SMURF1: variants seen among roughly 807,000 people sequenced by gnomAD.
The protein encoded by SMURF1 is E3 ubiquitin-protein ligase SMURF1.
A neutral mutation model predicts 98.0 loss-of-function variants in SMURF1; 44 were observed. That is an observed-to-expected ratio of 0.45 (90% CI 0.35 to 0.58). The LOEUF is 0.58. Ranked by LOEUF, SMURF1 falls within the 20% of genes least tolerant of loss-of-function variation. The probability of loss-of-function intolerance (pLI) is 0.00; values close to 1 mark genes in which losing one functional copy is unlikely to be tolerated. For synonymous variants in SMURF1, 396 were observed against 374.9 expected (o/e 1.06, Z -0.65); for missense variants, 687 against 938.4 (o/e 0.73, Z 3.50).
chr7:99,130,269 A>T (rs927543017), intron 1 of SMURF1, among the ~76,000 whole-genome samples: 1 of 152,152 alleles, frequency 6.6e-6, no homozygotes, highest in African/African-American at 2.4e-5. Context: ...CCTGGCCAAC[A>T]TGGTGAAACC....
At chr7:99,043,760 TGTA>T (rs1363582041) in intron 11 of SMURF1, among the ~76,000 whole-genome samples, 1 of 152,200 alleles carries the variant, frequency 6.6e-6, no homozygotes, top group Admixed American at 6.5e-5. Flanking sequence ...CCTGACTGCA[TGTA>T]GTTTGACTCT....
At chr7:99,119,186 G>A (rs1249840625) in intron 1 of SMURF1, among the ~76,000 whole-genome samples, 2 of 151,870 alleles carry the variant, frequency 1.3e-5, no homozygotes, top group Non-Finnish European at 2.9e-5. Flanking sequence ...AAGAATATAT[G>A]TACAAGTATT....
In SMURF1 at chr7:99,099,125, A is replaced by G. The variant is rs536525514; in HGVS notation, c.56-37288T>C. Among the ~76,000 whole-genome samples the G allele has an allele frequency of 1.1e-4, 17 of 152,258 alleles. No individual in the cohort carries two copies. The South Asian group carries it at 3.3e-3, about 30-fold the overall frequency. The stretch of plus-strand genomic sequence containing the variant: ...TTTGGTTCAGGAACAAGAGGAGACT[A>G]GAGCCCGATGAGAAAAGGTCTTCTA... On this transcript the variant is annotated intron_variant, in intron 1 of 17. Coordinates refer to ENST00000361368, the MANE Select transcript of SMURF1 (RefSeq NM_181349.3).
chr7:99,052,934 C>T (rs1245701994), intron 6 of SMURF1, among the ~76,000 whole-genome samples: 1 of 152,248 alleles, frequency 6.6e-6, no homozygotes, highest in African/African-American at 2.4e-5. Context: ...TGTGGTGGCA[C>T]ACGCCTGTGG....
At chr7:99,137,002 T>G (rs1798007348) in intron 1 of SMURF1, among the ~76,000 whole-genome samples, 1 of 151,776 alleles carries the variant, frequency 6.6e-6, no homozygotes, top group African/African-American at 2.4e-5. Flanking sequence ...TTACCTGGCC[T>G]GGGAAAAACA....
At chr7:99,066,036 T>C (rs10953277) in intron 1 of SMURF1, among the ~76,000 whole-genome samples, 61,722 of 150,538 alleles carry the variant, frequency 0.41, 15,474 homozygotes, top group Non-Finnish European at 0.55. Flanking sequence ...CACAGTGAGA[T>C]TCCGTCTCAA....
intron 1 of SMURF1, among the ~76,000 whole-genome samples, chr7:99,091,070 T>G (rs2176021): frequency 6.6e-6 from 1 of 152,180 alleles, no homozygotes; most frequent in Non-Finnish European, 1.5e-5. Context: ...CCACATGGCC[T>G]GCAAAGCATA....
At position 99,033,076 on chromosome 7, in the gene SMURF1, A is replaced by G. The variant is rs752095252; in HGVS notation, c.2057T>C (p.Ile686Thr). The change falls in exon 17 of 18, where the codon ATA (isoleucine) becomes ACA (threonine). Residue 686 changes from isoleucine (I) to threonine (T), a missense_variant. Ile to Thr is a moderately conservative substitution (Grantham distance 89). Transcript: ENST00000361368. ...CGGAAGGTTGTCTGTGTTCGCGTCT[A>G]TCAGGTGGATGGTGAACAGCCGGGG... ...AGPRLFTIHL[I>T]DANTDNLPKA... The G allele has an allele frequency of 1.2e-5, 19 of 1,592,444 alleles. No homozygotes were observed. The highest frequency in any genetic ancestry group is 4.0e-5 in the African/African-American group (3 of 74,696).
intron 2 of SMURF1, among the ~76,000 whole-genome samples, chr7:99,061,496 C>G (rs1381263957): frequency 6.6e-6 from 1 of 152,084 alleles, no homozygotes. Flanking sequence ...TGTATTAGAG[C>G]TGAGAATACA....
intron 1 of SMURF1, among the ~76,000 whole-genome samples, chr7:99,112,165 T>A (rs1470803250): frequency 6.6e-6 from 1 of 152,170 alleles, no homozygotes; most frequent in African/African-American, 2.4e-5. Context: ...ACTGGGTGCA[T>A]GCTCAGAAAA....
At chr7:99,111,642 G>A (rs1797325524) in intron 1 of SMURF1, among the ~76,000 whole-genome samples, 1 of 152,082 alleles carries the variant, frequency 6.6e-6, no homozygotes, top group Non-Finnish European at 1.5e-5. Context: ...ACAAGCAAGG[G>A]AACACCTAAT....
chr7:99,043,023 C>T (rs1795446054), intron 11 of SMURF1, among the ~76,000 whole-genome samples: 2 of 152,226 alleles, frequency 1.3e-5, no homozygotes, highest in South Asian at 4.1e-4. Flanking sequence ...TCTCTTTTTA[C>T]TACAAAGGCA....
intron 1 of SMURF1, among the ~76,000 whole-genome samples, chr7:99,104,623 G>C (rs897417984): frequency 6.6e-6 from 1 of 152,132 alleles, no homozygotes; most frequent in African/African-American, 2.4e-5. Flanking sequence ...ATGTGTGAAC[G>C]GTTTCCATGT....
rs1796396201 is a variant in SMURF1, at chr7:99,074,104, T to C, written c.56-12267A>G. On this transcript the variant is annotated intron_variant, in intron 1 of 17. Coordinates refer to ENST00000361368, the MANE Select transcript of SMURF1 (RefSeq NM_181349.3). ...CAATGAAAGCCACAAGACAATACATTTCATACAATGCCACTTATATAAAGT... is the reference window on the plus strand; with the variant it reads ...CAATGAAAGCCACAAGACAATACATCTCATACAATGCCACTTATATAAAGT... Among the ~76,000 whole-genome samples, 2 of 152,176 alleles carry C rather than the reference T, an allele frequency of 1.3e-5. 1 individual carries two copies. The highest frequency in any genetic ancestry group is 2.9e-5 in the Non-Finnish European group (2 of 68,036).
chr7:99,055,279 G>A (rs928352313), intron 5 of SMURF1, among the ~76,000 whole-genome samples: 4 of 151,534 alleles, frequency 2.6e-5, no homozygotes, highest in Non-Finnish European at 5.9e-5. Flanking sequence ...ACCAGCCTGG[G>A]CAACATGGCA....
intron 1 of SMURF1, among the ~76,000 whole-genome samples, chr7:99,084,238 A>C (rs1429443601): frequency 6.6e-6 from 1 of 152,174 alleles, no homozygotes; most frequent in Non-Finnish European, 1.5e-5. Context: ...ATAAATCTAT[A>C]TTACCTTGAA....
chr7:99,035,669 C>T lies in SMURF1; in HGVS notation c.1857G>A (p.Ser619=), dbSNP rs371720266. ...LDKIDLNDWK[S]NTRLKHCVAD... ...CCACACAGTGCTTCAGCCGCGTGTT[C>T]GACTTCCAGTCGTTCAAGTCTATTT... is the stretch of plus-strand genomic sequence containing the variant. The change falls in exon 16 of 18, where the codon TCG becomes TCA. Residue 619 remains serine, a synonymous_variant. Coordinates refer to ENST00000361368, the MANE Select transcript of SMURF1 (RefSeq NM_181349.3). The T allele has an allele frequency of 1.4e-4, 221 of 1,614,064 alleles. No individual in the cohort carries two copies. The highest frequency in any genetic ancestry group is 1.8e-4 in the Non-Finnish European group (210 of 1,180,032).
intron 11 of SMURF1, 94 bp downstream of exon 11, chr7:99,045,604 G>C: frequency 9.9e-7 from 1 of 1,013,150 alleles, no homozygotes; most frequent in Non-Finnish European, 1.5e-6. Flanking sequence ...CTGCCCAGGA[G>C]TGCTTGGTGA....
chr7:99,107,676 GC>G (rs1797222842), intron 1 of SMURF1, among the ~76,000 whole-genome samples: 1 of 152,142 alleles, frequency 6.6e-6, no homozygotes, highest in African/African-American at 2.4e-5. Context: ...GGGTTACCCT[GC>G]ACTAAACAGC....
Sources: gnomAD v4.1 joint callset for allele counts (sites outside exome capture counted in the v4.1 genomes callset) on GRCh38, gnomAD v4.1.1 for gene constraint, MANE v1.5 for transcripts, NCBI Gene and HGNC (gene_info 2026-07-23, HGNC 2026-07-21) for gene names.